The following NALF1 variants were observed in gnomAD, a reference collection of about 807,000 sequenced individuals.
The protein encoded by NALF1 is family with sequence similarity 155 member A.
In NALF1, 3 loss-of-function variants were observed where a neutral mutation model predicts 48.4. The ratio of observed to expected loss-of-function variants is 0.06; its 90% CI spans 0.03 to 0.16. The LOEUF is 0.16. NALF1 is among the 10% of genes least tolerant of loss of function. The pLI, the probability that NALF1 is intolerant of heterozygous loss-of-function variation, is 1.00. For synonymous variants in NALF1, 262 were observed against 245.7 expected, an observed-to-expected ratio of 1.07 and a Z score of -0.62; for missense variants, 526 against 571.5, an observed-to-expected ratio of 0.92 and a Z score of 0.81.
At chr13:107,788,730 A>G (rs954282136) in intron 1 of NALF1, 5 of 152,134 alleles carry the variant, frequency 3.3e-5, no homozygotes, top group Non-Finnish European at 7.4e-5. Flanking sequence ...CAGCTCATTT[A>G]GCAGCTAGAA....
rs151066036 is a variant in NALF1, at chr13:107,354,927, G to A, written c.916-144172C>T. Among the ~76,000 whole-genome samples, 288 of 152,266 alleles carry A rather than the reference G, an allele frequency of 1.9e-3. 2 individuals carry two copies. The highest frequency in any genetic ancestry group is 6.2e-3 in the African/African-American group (257 of 41,562). On this transcript the variant is annotated intron_variant, in intron 1 of 2. Coordinates refer to ENST00000375915, the MANE Select transcript of NALF1 (RefSeq NM_001080396.3). ...GAGTAGAAGACATGAGAATGAGAAC[G>A]TGATCACCCACCCTGGCTGAGATCC...
intron 1 of NALF1, among the ~76,000 whole-genome samples, chr13:107,770,436 T>G (rs1232756774): frequency 6.6e-6 from 1 of 152,192 alleles, no homozygotes; most frequent in Non-Finnish European, 1.5e-5. Context: ...TATTTATGCA[T>G]AACAAATTAT....
intron 1 of NALF1, among the ~76,000 whole-genome samples, chr13:107,212,676 T>A (rs1594072722): frequency 1.3e-5 from 2 of 152,226 alleles, no homozygotes. Flanking sequence ...TATGACATGA[T>A]ACGTAATATG....
intron 1 of NALF1, among the ~76,000 whole-genome samples, chr13:107,541,660 G>T (rs974234128): frequency 6.6e-6 from 1 of 152,046 alleles, no homozygotes; most frequent in South Asian, 2.1e-4. Context: ...GTGTGTGCAG[G>T]TGTCTGCATG....
intron 1 of NALF1, among the ~76,000 whole-genome samples, chr13:107,658,299 C>T (rs1365002567): frequency 1.3e-5 from 2 of 152,222 alleles, no homozygotes; most frequent in East Asian, 3.9e-4. Flanking sequence ...TCTCTTGCAA[C>T]ATTCATTTGC....
chr13:107,591,195 A>G (rs770279401), intron 1 of NALF1, among the ~76,000 whole-genome samples: 8 of 151,988 alleles, frequency 5.3e-5, no homozygotes, highest in Non-Finnish European at 1.2e-4. Context: ...CAGTCAAATG[A>G]GCATAAAATG....
At chr13:107,520,377 G>A (rs1876198617) in intron 1 of NALF1, among the ~76,000 whole-genome samples, 1 of 152,156 alleles carries the variant, frequency 6.6e-6, no homozygotes, top group Admixed American at 6.5e-5. Context: ...TATCTTCACA[G>A]TAAATGTCTA....
At chr13:107,568,452 C>T (rs1877882186) in intron 1 of NALF1, among the ~76,000 whole-genome samples, 1 of 152,172 alleles carries the variant, frequency 6.6e-6, no homozygotes, top group Non-Finnish European at 1.5e-5. Flanking sequence ...TCTTTATTAT[C>T]TGGAATGTGT....
intron 1 of NALF1, among the ~76,000 whole-genome samples, chr13:107,740,774 A>T (rs1171343422): frequency 6.6e-6 from 1 of 152,210 alleles, no homozygotes; most frequent in Non-Finnish European, 1.5e-5. Flanking sequence ...TTGGTGGACT[A>T]CTTTGCCAAT....
chr13:107,656,224 C>T (rs1473401106), intron 1 of NALF1, among the ~76,000 whole-genome samples: 1 of 151,508 alleles, frequency 6.6e-6, no homozygotes, highest in Non-Finnish European at 1.5e-5. Flanking sequence ...TTAACAGGAC[C>T]ACAGAGTGGG....
chr13:107,311,254 T>C lies in NALF1; in HGVS notation c.916-100499A>G, dbSNP rs188337034. On this transcript the variant is annotated intron_variant, in intron 1 of 2. Coordinates refer to ENST00000375915, the MANE Select transcript of NALF1 (RefSeq NM_001080396.3). Reference sequence around the variant, plus strand: ...GTCTTGTACAGAAAGATAATTCCTGTTCCATCCCAGTATGCTTCTTTTAAA... The same window carrying C: ...GTCTTGTACAGAAAGATAATTCCTGCTCCATCCCAGTATGCTTCTTTTAAA... Among the ~76,000 whole-genome samples the C allele has an allele frequency of 2.2e-3, 332 of 152,312 alleles. 1 individual carries two copies. The highest frequency in any genetic ancestry group is 3.8e-3 in the Non-Finnish European group (257 of 68,032).
chr13:107,534,857 T>C (rs1876754404), intron 1 of NALF1, among the ~76,000 whole-genome samples: 1 of 152,156 alleles, frequency 6.6e-6, no homozygotes, highest in Admixed American at 6.6e-5. Flanking sequence ...GTACAGAGTA[T>C]TCAGTGTGAA....
intron 1 of NALF1, among the ~76,000 whole-genome samples, chr13:107,599,347 G>C (rs1202913967): frequency 6.6e-6 from 1 of 151,898 alleles, no homozygotes; most frequent in Admixed American, 6.6e-5. Context: ...GCATGAACCT[G>C]GGAGGCGGAG....
At chr13:107,365,507 A>G (rs774864704) in intron 1 of NALF1, among the ~76,000 whole-genome samples, 1 of 152,194 alleles carries the variant, frequency 6.6e-6, no homozygotes, top group Non-Finnish European at 1.5e-5. Context: ...AGAAACATGG[A>G]AAAACGTGCA....
At chr13:107,401,766 C>T (rs1195207067) in intron 1 of NALF1, among the ~76,000 whole-genome samples, 1 of 151,806 alleles carries the variant, frequency 6.6e-6, no homozygotes, top group Admixed American at 6.6e-5. Context: ...CACGTGGTTG[C>T]ACATATGTGA....
rs191222683 is a variant in NALF1 at position 107,718,090 on chromosome 13, G to A, written c.915+147592C>T. On this transcript the variant is annotated intron_variant, in intron 1 of 2. Coordinates refer to ENST00000375915, the MANE Select transcript of NALF1 (RefSeq NM_001080396.3). Reference sequence around the variant, plus strand: ...AACCAGGTGTCTCTTCAGCGAATGCGTATCCCTCATCCCGAGGCGAGAGCC... The same window carrying A: ...AACCAGGTGTCTCTTCAGCGAATGCATATCCCTCATCCCGAGGCGAGAGCC... Among the ~76,000 whole-genome samples the A allele has an allele frequency of 2.3e-3, 354 of 152,238 alleles. 2 individuals are homozygous for A. The highest frequency in any genetic ancestry group is 6.8e-3 in the Middle Eastern group (2 of 294).
intron 1 of NALF1, among the ~76,000 whole-genome samples, chr13:107,616,911 G>T (rs182288765): frequency 6.6e-6 from 1 of 151,996 alleles, no homozygotes; most frequent in Non-Finnish European, 1.5e-5. Flanking sequence ...AGAAATAACC[G>T]CTAGGTAAGG....
chr13:107,381,102 TAAAA>T (rs1883430976), intron 1 of NALF1, among the ~76,000 whole-genome samples: 1 of 148,260 alleles, frequency 6.7e-6, no homozygotes, highest in Non-Finnish European at 1.5e-5. Flanking sequence ...ATATATGAAA[TAAAA>T]TATATATTCA....
intron 1 of NALF1, among the ~76,000 whole-genome samples, chr13:107,507,486 A>T (rs1250408099): frequency 6.6e-6 from 1 of 151,522 alleles, no homozygotes; most frequent in African/African-American, 2.4e-5. Context: ...CTTAGGGTTA[A>T]GAAACCTGTT....
Sources: allele counts gnomAD v4.1 joint callset (sites outside exome capture counted in the v4.1 genomes callset), GRCh38; gene constraint gnomAD v4.1.1; transcripts MANE v1.5; gene names NCBI Gene and HGNC (gene_info 2026-07-23, HGNC 2026-07-21).